The following CFAP61 variants were observed in gnomAD, a reference collection of about 807,000 sequenced individuals.
The protein encoded by CFAP61 is cilia- and flagella-associated protein 61.
Under a neutral mutation model 135.6 loss-of-function variants are expected in CFAP61, and 107 were observed. That is an observed-to-expected ratio of 0.79 (90% CI 0.67 to 0.93). The LOEUF (loss-of-function observed/expected upper bound fraction) is 0.93, where lower values mean the gene tolerates loss of function less well. Ranked by LOEUF, CFAP61 falls within the 40% of genes least tolerant of loss-of-function variation. CFAP61 has a pLI of 0.00. For missense variants in CFAP61, 1,507 were observed against 1,556.2 expected (o/e 0.97, Z 0.53); for synonymous variants, 575 against 578.5 (o/e 0.99, Z 0.09).
intron 9 of CFAP61, among the ~76,000 whole-genome samples, chr20:20,152,103 A>G (rs574703793): frequency 4.6e-5 from 7 of 152,194 alleles, no homozygotes; most frequent in Non-Finnish European, 1.0e-4. Flanking sequence ...AGAATTTTGT[A>G]TCCAGCAAAA....
intron 25 of CFAP61, among the ~76,000 whole-genome samples, chr20:20,302,290 G>A (rs1324398584): frequency 6.6e-6 from 1 of 152,136 alleles, no homozygotes; most frequent in African/African-American, 2.4e-5. Context: ...TGCAAATAGT[G>A]ACAGCTTTGT....
chr20:20,100,790 C>T (rs1269761868), intron 8 of CFAP61, among the ~76,000 whole-genome samples: 1 of 152,038 alleles, frequency 6.6e-6, no homozygotes, highest in Non-Finnish European at 1.5e-5. Context: ...TTAAACTGAA[C>T]CCTGGACTTA....
At chr20:20,348,337 G>C (rs1569322511) in intron 26 of CFAP61, among the ~76,000 whole-genome samples, 1 of 152,126 alleles carries the variant, frequency 6.6e-6, no homozygotes, top group Non-Finnish European at 1.5e-5. Context: ...TTTACCCCAG[G>C]AATGTAAGGG....
At chr20:20,063,481 A>G (rs139216898) in intron 2 of CFAP61, among the ~76,000 whole-genome samples, 323 of 152,358 alleles carry the variant, frequency 2.1e-3, no homozygotes, top group African/African-American at 7.5e-3. Flanking sequence ...TAATTCATCA[A>G]ATTAACAAAG....
At chr20:20,267,672 C>G (rs942319459) in intron 21 of CFAP61, 1 of 152,384 alleles carries the variant, frequency 6.6e-6, no homozygotes. Flanking sequence ...AGATGGGGTC[C>G]TTGTCCGTCC....
chr20:20,179,302 A>G (rs1274795120), intron 13 of CFAP61, among the ~76,000 whole-genome samples: 1 of 152,186 alleles, frequency 6.6e-6, no homozygotes, highest in African/African-American at 2.4e-5. Flanking sequence ...TAAATAATAT[A>G]CCTAGGAATA....
intron 25 of CFAP61, among the ~76,000 whole-genome samples, chr20:20,309,649 C>G (rs1447136449): frequency 6.6e-6 from 1 of 152,046 alleles, no homozygotes; most frequent in Non-Finnish European, 1.5e-5. Context: ...AATGACCATT[C>G]TTTAGTAAAA....
chr20:20,137,823 T>G (rs2051054757), intron 8 of CFAP61, among the ~76,000 whole-genome samples: 1 of 152,198 alleles, frequency 6.6e-6, no homozygotes, highest in Admixed American at 6.5e-5. Flanking sequence ...AGAAGTGGTC[T>G]CTTCTCGTAG....
intron 25 of CFAP61, among the ~76,000 whole-genome samples, chr20:20,340,890 G>C (rs576696791): frequency 1.3e-5 from 2 of 152,122 alleles, no homozygotes; most frequent in African/African-American, 4.8e-5. Context: ...ACTGCTGAGT[G>C]CCAGGCTGTC....
intron 17 of CFAP61, among the ~76,000 whole-genome samples, chr20:20,204,310 G>A (rs1013975676): frequency 1.3e-5 from 2 of 152,016 alleles, no homozygotes; most frequent in Admixed American, 6.6e-5. Flanking sequence ...TGGATTCTGT[G>A]CATTCATTTC....
intron 7 of CFAP61, among the ~76,000 whole-genome samples, chr20:20,093,142 C>T (rs941840148): frequency 3.3e-5 from 5 of 152,096 alleles, no homozygotes; most frequent in African/African-American, 7.2e-5. Context: ...TAAAAGAGAA[C>T]GAAGCACTGA....
intron 8 of CFAP61, among the ~76,000 whole-genome samples, chr20:20,134,470 A>G (rs769135552): frequency 1.3e-5 from 2 of 152,176 alleles, no homozygotes; most frequent in Non-Finnish European, 2.9e-5. Context: ...ATTCTATTCT[A>G]TTACATCGGT....
intron 8 of CFAP61, among the ~76,000 whole-genome samples, chr20:20,101,342 AT>A (rs1185009522): frequency 4.6e-5 from 7 of 152,076 alleles, no homozygotes; most frequent in Admixed American, 3.9e-4. Flanking sequence ...ATTTCAAAGG[AT>A]TTTTATATAT....
intron 8 of CFAP61, among the ~76,000 whole-genome samples, chr20:20,126,926 T>G (rs1432812944): frequency 6.6e-6 from 1 of 151,774 alleles, no homozygotes; most frequent in African/African-American, 2.4e-5. Context: ...TATTCTTTTT[T>G]CTTTGTTTTT....
chr20:20,288,716 C>T lies in CFAP61; in HGVS notation c.2904C>T (p.His968=), dbSNP rs752080382. 2 of 1,614,108 alleles carry T rather than the reference C, an allele frequency of 1.2e-6. No individual in the cohort carries two copies. The highest frequency in any genetic ancestry group is 2.2e-5 in the East Asian group (1 of 44,892). The change falls in exon 23 of 27, where the codon CAC becomes CAT. Residue 968 remains histidine (H), a synonymous_variant. Coordinates refer to ENST00000245957, the MANE Select transcript of CFAP61 (RefSeq NM_015585.4). ...GACTTGTGATTGATACCAACTTCCACACCAACGACATAGCCATCAGAGCTG... is the reference window on the plus strand; with the variant it reads ...GACTTGTGATTGATACCAACTTCCATACCAACGACATAGCCATCAGAGCTG... ...DSRLVIDTNF[H]TNDIAIRAAG...
rs141545811 is a variant in CFAP61 at position 20,102,442 on chromosome 20, C to T, written c.859+3628C>T. ...AGAGTTCCCCCAAGGGATTAAGTTT[C>T]AGTTGTCCATAATAGTAATCTGGGT... On this transcript the variant is annotated intron_variant, in intron 8 of 26. Transcript: ENST00000245957. 1.5e-3 allele frequency among the ~76,000 whole-genome samples: 227 copies of T among 152,300 alleles called. 2 individuals are homozygous for T. Among genetic ancestry groups the T allele is most frequent in the Middle Eastern group, 3.4e-3 (1 of 294 alleles).
At chr20:20,348,689 C>CAA (rs71198052) in intron 26 of CFAP61, among the ~76,000 whole-genome samples, 15,553 of 53,282 alleles carry the variant, frequency 0.29, 2,671 homozygotes, top group Non-Finnish European at 0.34. Context: ...GACTCCGTAT[C>CAA]AAAAAAAAAA....
intron 17 of CFAP61, among the ~76,000 whole-genome samples, chr20:20,217,005 C>G (rs1448550875): frequency 1.3e-5 from 2 of 152,202 alleles, no homozygotes; most frequent in Non-Finnish European, 2.9e-5. Context: ...TTCTGCTTAG[C>G]TCTCTTTTCA....
chr20:20,076,257 G>A (rs919768931), intron 6 of CFAP61, among the ~76,000 whole-genome samples: 1 of 152,200 alleles, frequency 6.6e-6, no homozygotes, highest in African/African-American at 2.4e-5. Flanking sequence ...GACTTGTGAG[G>A]CTGGGAAGCT....
Sources: allele counts gnomAD v4.1 joint callset (sites outside exome capture counted in the v4.1 genomes callset), GRCh38; gene constraint gnomAD v4.1.1; transcripts MANE v1.5; gene names NCBI Gene and HGNC (gene_info 2026-07-23, HGNC 2026-07-21).